Variants in PTPRT observed in about 807,000 individuals in gnomAD.
The protein encoded by PTPRT is protein tyrosine phosphatase receptor type T, also known as receptor-type tyrosine-protein phosphatase T.
In PTPRT, 56 loss-of-function variants were observed where a neutral mutation model predicts 176.8. The observed-to-expected ratio is 0.32, with a 90% confidence interval of 0.26 to 0.40. The LOEUF is 0.40. Ranked by LOEUF, PTPRT falls within the 10% of genes least tolerant of loss-of-function variation. The pLI, the probability that PTPRT is intolerant of heterozygous loss-of-function variation, is 1.00. For missense variants in PTPRT, 1,540 were observed against 1,908.2 expected (o/e 0.81, Z 3.60); for synonymous variants, 783 against 739.0 (o/e 1.06, Z -0.96).
chr20:43,044,604 T>G (rs1222364686), intron 1 of PTPRT, among the ~76,000 whole-genome samples: 1 of 152,186 alleles, frequency 6.6e-6, no homozygotes, highest in Non-Finnish European at 1.5e-5. Flanking sequence ...CCGCATGCCC[T>G]TGTTACTGAG....
In PTPRT at chr20:43,066,278, G is replaced by A. The variant is rs576610509; in HGVS notation, c.88+123368C>T. ...CTTGGCTCGGTTTTCATCCATAAAT[G>A]TGTCTTCATTTGTCCCCGGAGGCCT... On this transcript the variant is annotated intron_variant, in intron 1 of 30. Transcript: ENST00000373187. Among the ~76,000 whole-genome samples the A allele has an allele frequency of 2.6e-5, 4 of 152,268 alleles. No individual in the cohort carries two copies. In the East Asian group the frequency reaches 7.7e-4, roughly 29 times the overall value.
chr20:42,452,025 C>T (rs2070839646), intron 8 of PTPRT, among the ~76,000 whole-genome samples: 1 of 152,150 alleles, frequency 6.6e-6, no homozygotes, highest in African/African-American at 2.4e-5. Context: ...AATCCCAGCA[C>T]TTTGAGAGGC....
intron 1 of PTPRT, among the ~76,000 whole-genome samples, chr20:42,984,241 A>G (rs574735643): frequency 6.2e-4 from 94 of 152,330 alleles, no homozygotes; most frequent in Middle Eastern, 3.4e-3. Context: ...CCCTTCCTCA[A>G]TTCACAAAGA....
At chr20:42,443,019 C>T (rs948412138) in intron 9 of PTPRT, among the ~76,000 whole-genome samples, 1 of 152,156 alleles carries the variant, frequency 6.6e-6, no homozygotes, top group Non-Finnish European at 1.5e-5. Flanking sequence ...TAATCAAACC[C>T]AAAAGCAGGG....
intron 1 of PTPRT, among the ~76,000 whole-genome samples, chr20:42,994,462 G>A (rs1600632117): frequency 6.6e-6 from 1 of 151,718 alleles, no homozygotes; most frequent in African/African-American, 2.4e-5. Context: ...CTGCTCCAAA[G>A]GTGAGTACCA....
chr20:42,676,452 C>G (rs1031119047), intron 7 of PTPRT, among the ~76,000 whole-genome samples: 8 of 152,090 alleles, frequency 5.3e-5, no homozygotes, highest in Non-Finnish European at 5.9e-5. Context: ...CCCTCAGTGA[C>G]TCCTCTTTGT....
At chr20:42,305,067 C>T (rs6030120) in intron 12 of PTPRT, among the ~76,000 whole-genome samples, 116,705 of 152,174 alleles carry the variant, frequency 0.77, 45,240 homozygotes, top group African/African-American at 0.85. Flanking sequence ...ACTTTTTATT[C>T]TAGGGCCTGG....
At chr20:42,712,611 G>A (rs998561186) in intron 6 of PTPRT, among the ~76,000 whole-genome samples, 1 of 152,124 alleles carries the variant, frequency 6.6e-6, no homozygotes, top group Non-Finnish European at 1.5e-5. Flanking sequence ...CATAGCACAA[G>A]AGAAATGGAA....
At chr20:42,598,292 G>C (rs1467935205) in intron 7 of PTPRT, among the ~76,000 whole-genome samples, 10 of 152,178 alleles carry the variant, frequency 6.6e-5, no homozygotes, top group Non-Finnish European at 1.5e-5. Context: ...TTAGCAGACA[G>C]TATCTTCAGG....
At chr20:42,239,413 C>CTTTTTTTT (rs35978863) in intron 14 of PTPRT, among the ~76,000 whole-genome samples, 25 of 81,202 alleles carry the variant, frequency 3.1e-4, no homozygotes, top group South Asian at 2.2e-3. Context: ...CATTTTCTTT[C>CTTTTTTTT]TTTTTTTTTT....
chr20:43,185,024 G>C (rs1490808547), intron 1 of PTPRT, among the ~76,000 whole-genome samples: 1 of 152,134 alleles, frequency 6.6e-6, no homozygotes, highest in Non-Finnish European at 1.5e-5. Flanking sequence ...CCCTGTCCCT[G>C]TGGCTGTATC....
chr20:42,472,524 T>G lies in PTPRT; in HGVS notation c.1192A>C (p.Ile398Leu), dbSNP rs992685359. Residue 398 changes from isoleucine to leucine, a missense_variant, in exon 8 of 31, where the codon ATC becomes CTC. Physicochemically the swap from Ile to Leu is conservative, Grantham distance 5 (BLOSUM62 2). Transcript: ENST00000373187. Reference sequence around the variant, plus strand: ...TGCAGGGTCAGCTGCCGGGCTCTGATGTCTACGATTTCCACGTTCTGTGGG... The same window carrying G: ...TGCAGGGTCAGCTGCCGGGCTCTGAGGTCTACGATTTCCACGTTCTGTGGG... ...HGPQNVEIVD[I>L]RARQLTLQWE... is the part of the protein sequence containing the mutation. 1.2e-6 allele frequency: 2 copies of G among 1,614,200 alleles called. No homozygotes were observed. Among genetic ancestry groups the G allele is most frequent in the East Asian group, 4.5e-5 (2 of 44,872 alleles).
intron 9 of PTPRT, among the ~76,000 whole-genome samples, chr20:42,430,128 C>G (rs1308078193): frequency 2.0e-5 from 3 of 152,194 alleles, no homozygotes; most frequent in Non-Finnish European, 2.9e-5. Context: ...GTTGGTTTCT[C>G]TGATTCTAAC....
chr20:42,315,752 A>G lies in PTPRT; in HGVS notation c.2110T>C (p.Tyr704His). Residue 704 changes from tyrosine to histidine, a missense_variant, in exon 12 of 31, where the codon TAC becomes CAC. Transcript: ENST00000373187. Reference sequence around the variant, plus strand: ...TTGGCTTTGCTGAGTGCCTGGAAGTAGATGCTGTAGCTTTTCAGGGGAGAG... The same window carrying G: ...TTGGCTTTGCTGAGTGCCTGGAAGTGGATGCTGTAGCTTTTCAGGGGAGAG... ...PLSPLKSYSI[Y>H]FQALSKANGE... The G allele has an allele frequency of 6.2e-7, 1 of 1,614,114 alleles. No homozygotes were observed. Among genetic ancestry groups the G allele is most frequent in the South Asian group, 1.1e-5 (1 of 91,076 alleles).
At chr20:42,720,618 T>C (rs1333091165) in intron 6 of PTPRT, among the ~76,000 whole-genome samples, 1 of 152,220 alleles carries the variant, frequency 6.6e-6, no homozygotes, top group Non-Finnish European at 1.5e-5. Context: ...AAGTCGTGCT[T>C]GCCTCCCCAT....
At chr20:43,095,721 CT>C in intron 1 of PTPRT, among the ~76,000 whole-genome samples, 1 of 112,438 alleles carries the variant, frequency 8.9e-6, no homozygotes, top group African/African-American at 4.1e-5. Flanking sequence ...CTGTTTCTTC[CT>C]CTCTCTCTCT....
intron 2 of PTPRT, 63 bp downstream of exon 2, chr20:42,885,744 C>T: frequency 6.4e-7 from 1 of 1,557,674 alleles, no homozygotes; most frequent in Non-Finnish European, 8.7e-7. Flanking sequence ...AGTTCTTCCC[C>T]CCATGATTCA....
chr20:42,141,775 C>A, intron 18 of PTPRT, 140 bp downstream of exon 18: 2 of 812,412 alleles, frequency 2.5e-6, no homozygotes, highest in Non-Finnish European at 2.0e-6. Flanking sequence ...TGATATAAAG[C>A]TTCCATCTTG....
At chr20:42,769,999 A>G (rs906620640) in intron 5 of PTPRT, among the ~76,000 whole-genome samples, 3 of 152,326 alleles carry the variant, frequency 2.0e-5, no homozygotes, top group African/African-American at 7.2e-5. Flanking sequence ...ATGGGGACGG[A>G]ACTTTGGACG....
Sources: allele counts gnomAD v4.1 joint callset (sites outside exome capture counted in the v4.1 genomes callset), GRCh38; gene constraint gnomAD v4.1.1; transcripts MANE v1.5; gene names NCBI Gene and HGNC (gene_info 2026-07-23, HGNC 2026-07-21).